Variants in CLNK observed in about 807,000 individuals in gnomAD.
The protein encoded by CLNK is cytokine-dependent hematopoietic cell linker.
Under a neutral mutation model 68.6 loss-of-function variants are expected in CLNK, and 74 were observed. The observed-to-expected ratio is 1.08, with a 90% CI of 0.89 to 1.31. The LOEUF (loss-of-function observed/expected upper bound fraction) is 1.31, where lower values mean the gene tolerates loss of function less well. Among genes scored for constraint, CLNK ranks in the 50% most tolerant of loss-of-function variants. The probability of loss-of-function intolerance (pLI) is 0.00; values close to 1 mark genes in which losing one functional copy is unlikely to be tolerated. For synonymous variants in CLNK, 198 were observed against 172.2 expected, an observed-to-expected ratio of 1.15 and a Z score of -1.17; for missense variants, 553 against 515.3, an observed-to-expected ratio of 1.07 and a Z score of -0.71.
intron 11 of CLNK, among the ~76,000 whole-genome samples, chr4:10,532,624 C>G (rs1718588739): frequency 6.6e-6 from 1 of 152,144 alleles, no homozygotes; most frequent in South Asian, 2.1e-4. Flanking sequence ...CTATTATTAA[C>G]TTGGTTTTAA....
chr4:10,616,603 T>C (rs1206568640), intron 2 of CLNK, among the ~76,000 whole-genome samples: 1 of 152,088 alleles, frequency 6.6e-6, no homozygotes, highest in Non-Finnish European at 1.5e-5. Flanking sequence ...GTTGCAACCA[T>C]AGATTTGCTA....
chr4:10,509,593 C>T (rs1717477687), intron 16 of CLNK, among the ~76,000 whole-genome samples: 1 of 151,294 alleles, frequency 6.6e-6, no homozygotes, highest in Non-Finnish European at 1.5e-5. Flanking sequence ...GGCACGATCT[C>T]AGCTCAATGC....
intron 11 of CLNK, among the ~76,000 whole-genome samples, chr4:10,535,213 G>GAGAAAGAAAGGA (rs1553847854): frequency 7.6e-6 from 1 of 131,298 alleles, no homozygotes; most frequent in Admixed American, 8.4e-5. Flanking sequence ...AAGAAAGAAA[G>GAGAAAGAAAGGA]AGAAAGAAAG....
chr4:10,727,998 G>T, the CLNK span, among the ~76,000 whole-genome samples: 1 of 152,122 alleles, frequency 6.6e-6, no homozygotes, highest in Non-Finnish European at 1.5e-5. Context: ...GGTACACATG[G>T]ATAGACACGA....
intron 2 of CLNK, among the ~76,000 whole-genome samples, chr4:10,611,970 C>T (rs1469641078): frequency 6.6e-6 from 1 of 152,180 alleles, no homozygotes; most frequent in Non-Finnish European, 1.5e-5. Flanking sequence ...CCCCAAAGAG[C>T]AGCCATCATG....
intron 2 of CLNK, among the ~76,000 whole-genome samples, chr4:10,660,055 C>G (rs1724133304): frequency 6.6e-6 from 1 of 152,210 alleles, no homozygotes; most frequent in South Asian, 2.1e-4. Flanking sequence ...GACTTTATTA[C>G]TGATTTCTCT....
intron 2 of CLNK, among the ~76,000 whole-genome samples, chr4:10,611,254 G>T (rs1466434643): frequency 6.6e-6 from 1 of 152,188 alleles, no homozygotes; most frequent in Non-Finnish European, 1.5e-5. Context: ...GGAGGCAGAG[G>T]TTGCAGTGAG....
At chr4:10,635,773 A>T (rs1723062078) in intron 2 of CLNK, 1 of 152,204 alleles carries the variant, frequency 6.6e-6, no homozygotes, top group South Asian at 2.1e-4. Flanking sequence ...TATAGGTTAG[A>T]TACCTTGTCC....
At chr4:10,655,334 CAGAGAGAGAGAGAGAGAG>C (rs148877353) in intron 2 of CLNK, among the ~76,000 whole-genome samples, 54,800 of 135,594 alleles carry the variant, frequency 0.4, 10,791 homozygotes, top group East Asian at 0.49. Context: ...CCCCCAAAGA[CAGAGAGAGAGAGAGAGAG>C]AGAGAGAGAG....
At chr4:10,653,109 A>G (rs987371091) in intron 2 of CLNK, among the ~76,000 whole-genome samples, 6 of 152,158 alleles carry the variant, frequency 3.9e-5, no homozygotes, top group Non-Finnish European at 5.9e-5. Flanking sequence ...CAAACAACAC[A>G]TGTTCTCACT....
intron 11 of CLNK, among the ~76,000 whole-genome samples, chr4:10,538,528 G>A (rs1347953272): frequency 6.6e-6 from 1 of 152,204 alleles, no homozygotes; most frequent in East Asian, 1.9e-4. Context: ...TAGGAATGCT[G>A]CATTTTACAT....
intron 16 of CLNK, among the ~76,000 whole-genome samples, chr4:10,510,602 A>G (rs1055468332): frequency 6.6e-6 from 1 of 152,216 alleles, no homozygotes; most frequent in Non-Finnish European, 1.5e-5. Context: ...GACACGCCTC[A>G]TAGCTCTTCG....
intron 1 of CLNK, among the ~76,000 whole-genome samples, chr4:10,676,568 C>G (rs1220186195): frequency 6.6e-6 from 1 of 152,032 alleles, no homozygotes; most frequent in Non-Finnish European, 1.5e-5. Flanking sequence ...TGAAAACACT[C>G]TTAATGAACT....
In CLNK at chr4:10,490,565, T is replaced by TG; in HGVS notation, c.1188dup (p.Ile397HisfsTer5). 1 of 1,596,202 alleles carries TG rather than the reference T, an allele frequency of 6.3e-7. No individual in the cohort carries two copies. Among genetic ancestry groups the TG allele is most frequent in the Non-Finnish European group, 8.5e-7 (1 of 1,170,760 alleles). ...TTATCTTTCCCATCAATTAGTATAA[T>TG]GGGAAAATTCTTGTAGTGTTCGATG... On this transcript the variant is annotated frameshift_variant, in exon 19 of 19. Coordinates refer to ENST00000226951, the MANE Select transcript of CLNK (RefSeq NM_052964.4). LOFTEE classifies it low-confidence loss of function (END_TRUNC).
At position 10,552,591 on chromosome 4, in the gene CLNK, C is replaced by T. The variant is rs144904784; in HGVS notation, c.445+5816G>A. On this transcript the variant is annotated intron_variant, in intron 8 of 18. Transcript: ENST00000226951. ...GCCTCACCCAGAAGTAACTCATCTG[C>T]TTGAAGACAGCTTCAAACCCCTATA... Among the ~76,000 whole-genome samples the T allele has an allele frequency of 1.5e-3, 223 of 152,210 alleles. 1 individual carries two copies. The highest frequency in any genetic ancestry group is 2.6e-3 in the Non-Finnish European group (176 of 68,016).
At chr4:10,530,525 C>T (rs1676510161) in intron 12 of CLNK, among the ~76,000 whole-genome samples, 1 of 152,212 alleles carries the variant, frequency 6.6e-6, no homozygotes, top group African/African-American at 2.4e-5. Context: ...ACTAGACCTT[C>T]TTGTTCTTTA....
At chr4:10,491,199 T>C (rs1716557935) in intron 18 of CLNK, among the ~76,000 whole-genome samples, 1 of 152,200 alleles carries the variant, frequency 6.6e-6, no homozygotes. Flanking sequence ...ACAGGGAGTT[T>C]CCCCTCTCTG....
intron 11 of CLNK, among the ~76,000 whole-genome samples, chr4:10,537,151 T>G (rs1170130500): frequency 6.6e-6 from 1 of 152,176 alleles, no homozygotes; most frequent in African/African-American, 2.4e-5. Flanking sequence ...ATTATTTTAG[T>G]GTAAAGCCAG....
At chr4:10,553,616 T>G (rs540296750) in intron 8 of CLNK, among the ~76,000 whole-genome samples, 3 of 152,198 alleles carry the variant, frequency 2.0e-5, no homozygotes, top group South Asian at 2.1e-4. Context: ...CACGCCCAGC[T>G]AATTTTTTTA....
Sources: allele counts gnomAD v4.1 joint callset (sites outside exome capture counted in the v4.1 genomes callset), GRCh38; gene constraint gnomAD v4.1.1; transcripts MANE v1.5; gene names NCBI Gene and HGNC (gene_info 2026-07-23, HGNC 2026-07-21).